The following AGTRAP variants were observed in gnomAD, a reference collection of about 807,000 sequenced individuals.
AGTRAP encodes type-1 angiotensin II receptor-associated protein.
AGTRAP carries 7 observed loss-of-function variants against 15.2 expected under a neutral mutation model. The ratio of observed to expected loss-of-function variants is 0.46; its 90% confidence interval spans 0.26 to 0.87. The LOEUF (loss-of-function observed/expected upper bound fraction) is 0.87. Ranked by LOEUF, AGTRAP falls within the 40% of genes least tolerant of loss-of-function variation. The pLI, the probability that AGTRAP is intolerant of heterozygous loss-of-function variation, is 0.15. For missense variants in AGTRAP, 187 were observed against 213.4 expected, an observed-to-expected ratio of 0.88 and a Z score of 0.77; for synonymous variants, 74 against 89.6, an observed-to-expected ratio of 0.83 and a Z score of 0.98.
chr1:11,736,203 G>T lies in AGTRAP; in HGVS notation c.-6G>T. The T allele has an allele frequency of 1.2e-6, 2 of 1,605,750 alleles. No homozygotes were observed. Among genetic ancestry groups the T allele is most frequent in the Non-Finnish European group, 1.7e-6 (2 of 1,177,054 alleles). ...TGCGGCGCAGGTGCCCTCGGCCTGA[G>T]TCGGGATGGAGCTGCCTGCTGTGAA... On this transcript the variant is annotated 5_prime_UTR_variant, in exon 1 of 5. Transcript: ENST00000314340.
chr1:11,749,569 C>A (rs997828337), intron 4 of AGTRAP, among the ~76,000 whole-genome samples: 1 of 152,244 alleles, frequency 6.6e-6, no homozygotes, highest in African/African-American at 2.4e-5. Flanking sequence ...CGGAGCCCTA[C>A]GGCCCTGCCT....
chr1:11,748,743 C>A, intron 4 of AGTRAP, 133 bp downstream of exon 4: 1 of 1,070,906 alleles, frequency 9.3e-7, no homozygotes, highest in Non-Finnish European at 1.3e-6. Flanking sequence ...GTGGCATGGG[C>A]GCTCTGTACT....
chr1:11,749,428 A>C (rs553495185), intron 4 of AGTRAP, among the ~76,000 whole-genome samples: 1 of 152,174 alleles, frequency 6.6e-6, no homozygotes, highest in East Asian at 1.9e-4. Flanking sequence ...GCCTGCCCCC[A>C]GGTGAGGGGT....
chr1:11,747,400 T>G (rs753003693), intron 2 of AGTRAP, 40 bp from the exon 3 acceptor site: 1 of 1,576,782 alleles, frequency 6.3e-7, no homozygotes, highest in Non-Finnish European at 8.7e-7. Context: ...ACCTGCGGGG[T>G]GGTGGCCTCC....
intron 2 of AGTRAP, among the ~76,000 whole-genome samples, chr1:11,746,871 C>T (rs1194629886): frequency 2.0e-5 from 3 of 152,144 alleles, no homozygotes; most frequent in Admixed American, 6.5e-5. Flanking sequence ...TAGAATAGGG[C>T]GGGCCTTGTG....
At chr1:11,737,541 G>A (rs1342846716) in intron 1 of AGTRAP, among the ~76,000 whole-genome samples, 1 of 152,204 alleles carries the variant, frequency 6.6e-6, no homozygotes, top group Admixed American at 6.5e-5. Context: ...AGCTGATATG[G>A]TCATCTTTTT....
intron 3 of AGTRAP, among the ~76,000 whole-genome samples, chr1:11,747,991 C>G (rs1642210252): frequency 6.6e-6 from 1 of 152,146 alleles, no homozygotes; most frequent in South Asian, 2.1e-4. Flanking sequence ...CTTCTCAGCA[C>G]CCACGGAGCC....
chr1:11,740,459 C>T (rs1430760556), intron 1 of AGTRAP, among the ~76,000 whole-genome samples: 6 of 152,172 alleles, frequency 3.9e-5, no homozygotes, highest in Non-Finnish European at 5.9e-5. Flanking sequence ...ACCAAAGTGA[C>T]GTCACGCAGA....
chr1:11,750,054 C>T, intron 4 of AGTRAP, 23 bp from the exon 5 acceptor site: 1 of 1,590,868 alleles, frequency 6.3e-7, no homozygotes, highest in South Asian at 1.1e-5. Flanking sequence ...TTTTTCTTTC[C>T]CACCATGTCC....
At chr1:11,748,028 G>T (rs1022834470) in intron 3 of AGTRAP, among the ~76,000 whole-genome samples, 1 of 152,112 alleles carries the variant, frequency 6.6e-6, no homozygotes, top group Non-Finnish European at 1.5e-5. Context: ...ACTCCCGCAC[G>T]GGCTCTTCAA....
In AGTRAP at chr1:11,746,611, A is replaced by T. The variant is rs897270575; in HGVS notation, c.62+774A>T. 6 of 180,054 alleles carry T rather than the reference A, an allele frequency of 3.3e-5. No individual in the cohort carries two copies. The East Asian group carries it at 8.6e-4, about 26-fold the overall frequency. 11.2% of individuals were successfully genotyped at this position (180,054 alleles called of 1,614,324 possible). A position where few individuals can be genotyped will look rare whatever the true frequency, so the allele number is the denominator to read the frequency against. The stretch of plus-strand genomic sequence containing the variant: ...GCATGGCCTCTCCAGCCAGACTCCA[A>T]ATCCCAGCCCCACTGCTCAGCAACT... On this transcript the variant is annotated intron_variant, in intron 2 of 4. Coordinates refer to ENST00000314340, the MANE Select transcript of AGTRAP (RefSeq NM_020350.5).
chr1:11,736,218 C>T lies in AGTRAP; in HGVS notation c.10C>T (p.Pro4Ser), dbSNP rs1404261833. 5.0e-6 allele frequency: 8 copies of T among 1,607,746 alleles called. No homozygotes were observed. The highest frequency in any genetic ancestry group is 1.1e-5 in the South Asian group (1 of 89,518). Residue 4 changes from proline to serine, a missense_variant, in exon 1 of 5, where the codon CCT (proline) becomes TCT (serine). Pro to Ser is a moderately conservative substitution (Grantham distance 74, BLOSUM62 -1). Transcript: ENST00000314340. ...CTCGGCCTGAGTCGGGATGGAGCTG[C>T]CTGCTGTGAACCTGAAGGTGGCGAC... is the stretch of plus-strand genomic sequence containing the variant. MEL[P>S]AVNLKVILLG... is the part of the protein sequence containing the mutation.
chr1:11,736,214 G>C lies in AGTRAP; in HGVS notation c.6G>C (p.Glu2Asp). Residue 2 changes from glutamate (E) to aspartate (D), a missense_variant, in exon 1 of 5, where the codon GAG becomes GAC. By Grantham distance (45) the Glu-to-Asp change is conservative. Transcript: ENST00000314340. Reference protein sequence around the residue: MELPAVNLKVIL... With the variant: MDLPAVNLKVIL... Reference sequence around the variant, plus strand: ...TGCCCTCGGCCTGAGTCGGGATGGAGCTGCCTGCTGTGAACCTGAAGGTGG... The same window carrying C: ...TGCCCTCGGCCTGAGTCGGGATGGACCTGCCTGCTGTGAACCTGAAGGTGG... The C allele has an allele frequency of 2.5e-6, 4 of 1,607,344 alleles. No individual in the cohort carries two copies. The highest frequency in any genetic ancestry group is 3.4e-6 in the Non-Finnish European group (4 of 1,177,658).
In AGTRAP at chr1:11,736,149, G is replaced by A. The variant is rs952405268; in HGVS notation, c.-60G>A. 16 of 1,567,434 alleles carry A rather than the reference G, an allele frequency of 1.0e-5. No individual in the cohort carries two copies. In the African/African-American group the frequency reaches 2.0e-4, roughly 20 times the overall value. ...GCGGGGCCGGGCAAGTTTGTTCCCC[G>A]AGTTCGGAGCCTAGGAGCCCCCCGC... is the stretch of plus-strand genomic sequence containing the variant. On this transcript the variant is annotated 5_prime_UTR_variant, in exon 1 of 5. Coordinates refer to ENST00000314340, the MANE Select transcript of AGTRAP (RefSeq NM_020350.5).
chr1:11,742,949 A>G (rs1260193007), intron 1 of AGTRAP, among the ~76,000 whole-genome samples: 1 of 152,216 alleles, frequency 6.6e-6, no homozygotes, highest in Non-Finnish European at 1.5e-5. Context: ...TGCCCCAGGC[A>G]TGTGGCATCT....
intron 1 of AGTRAP, among the ~76,000 whole-genome samples, chr1:11,740,891 T>C (rs564207944): frequency 1.1e-3 from 170 of 152,280 alleles, no homozygotes; most frequent in Middle Eastern, 6.8e-3. Flanking sequence ...CCTCGGTGTC[T>C]TCTTTAAAAG....
rs1342229653 is a variant in AGTRAP, at chr1:11,745,995, G to T, written c.62+158G>T. The T allele has an allele frequency of 7.6e-7, 1 of 1,323,048 alleles. No individual in the cohort carries two copies. The highest frequency in any genetic ancestry group is 1.1e-6 in the Non-Finnish European group (1 of 918,078). 82.0% of individuals were successfully genotyped at this position (1,323,048 alleles called of 1,614,324 possible). A position where few individuals can be genotyped will look rare whatever the true frequency, so the allele number is the denominator to read the frequency against. ...TTTCCGTCTGTACAATAGGCATAAG[G>T]ATTGCACACCCTGCAGGAGCTGGGA... On this transcript the variant is annotated intron_variant, in intron 2 of 4. Transcript: ENST00000314340. This position sits in a 1 kb window ranked among gnomAD's most constrained non-coding sequence, Gnocchi z 4.2.
intron 4 of AGTRAP, 70 bp downstream of exon 4, chr1:11,748,680 C>G: frequency 6.5e-7 from 1 of 1,532,166 alleles, no homozygotes. Flanking sequence ...CAGCCTCTCC[C>G]TCAGTGAGCC....
At position 11,750,218 on chromosome 1, in the gene AGTRAP, G is replaced by A. The variant is rs762759281; in HGVS notation, c.*26G>A. 7 of 1,587,314 alleles carry A rather than the reference G, an allele frequency of 4.4e-6. No homozygotes were observed. The South Asian group carries it at 4.4e-5, about 10-fold the overall frequency. ...AGCCAGCCACGCTGCGCCCGGCCCT[G>A]CCCCGGGCCTTCCTCGTGCCTGGGA... On this transcript the variant is annotated 3_prime_UTR_variant, in exon 5 of 5. Transcript: ENST00000314340.
Sources: gnomAD v4.1 joint callset for allele counts (sites outside exome capture counted in the v4.1 genomes callset) on GRCh38, gnomAD v4.1.1 for gene constraint, Gnocchi (gnomAD v3.1) non-coding constraint, MANE v1.5 for transcripts, NCBI Gene and HGNC (gene_info 2026-07-23, HGNC 2026-07-21) for gene names.